The following MIPOL1 variants were observed in gnomAD, a reference collection of about 807,000 sequenced individuals.
The protein encoded by MIPOL1 is mirror-image polydactyly 1, also known as mirror-image polydactyly gene 1 protein.
MIPOL1 carries 57 observed loss-of-function variants against 60.9 expected under a neutral mutation model. That is an observed-to-expected ratio of 0.94 (90% CI 0.76 to 1.17). The LOEUF is 1.17. Among genes scored for constraint, MIPOL1 ranks in the 50% most tolerant of loss-of-function variants. MIPOL1 has a pLI of 0.00. For missense variants in MIPOL1, 551 were observed against 511.6 expected (o/e 1.08, Z -0.74); for synonymous variants, 179 against 168.8 (o/e 1.06, Z -0.47).
At chr14:37,443,390 T>A (rs567344186) in intron 11 of MIPOL1, among the ~76,000 whole-genome samples, 1 of 138,680 alleles carries the variant, frequency 7.2e-6, no homozygotes, top group Admixed American at 7.9e-5. Context: ...GCCCAAGAGG[T>A]TGAGACTACA....
At chr14:37,399,102 C>G (rs916881747) in intron 10 of MIPOL1, among the ~76,000 whole-genome samples, 2 of 152,160 alleles carry the variant, frequency 1.3e-5, no homozygotes, top group Non-Finnish European at 2.9e-5. Flanking sequence ...CATCTCTTAT[C>G]AAAATTTTCA....
At position 37,409,650 on chromosome 14, in the gene MIPOL1, G is replaced by A. The variant is rs374381705; in HGVS notation, c.937-13205G>A. Among the ~76,000 whole-genome samples, 2 of 152,210 alleles carry A rather than the reference G, an allele frequency of 1.3e-5. 1 individual carries two copies. Among genetic ancestry groups the A allele is most frequent in the South Asian group, 4.1e-4 (2 of 4,820 alleles). The stretch of plus-strand genomic sequence containing the variant: ...AAAATACAAAAATTAGCTGGGTGTG[G>A]TGGCACACGCCTGTAGTCCCAGCTA... On this transcript the variant is annotated intron_variant, in intron 10 of 12. Transcript: ENST00000684589.
chr14:37,452,032 G>A (rs1331190086), intron 11 of MIPOL1, among the ~76,000 whole-genome samples: 1 of 151,480 alleles, frequency 6.6e-6, no homozygotes, highest in Non-Finnish European at 1.5e-5. Flanking sequence ...AGCCAGGATG[G>A]TCTCGATCTC....
intron 11 of MIPOL1, among the ~76,000 whole-genome samples, chr14:37,446,263 G>A (rs1390851990): frequency 6.6e-6 from 1 of 152,258 alleles, no homozygotes; most frequent in South Asian, 2.1e-4. Flanking sequence ...AGTGGGCGAA[G>A]GATATGAACA....
chr14:37,200,875 TG>T (rs1566964756), intron 1 of MIPOL1, among the ~76,000 whole-genome samples: 2,835 of 118,376 alleles, frequency 0.024, 386 homozygotes, highest in African/African-American at 0.094. Context: ...TGTGTGTGTG[TG>T]TGTGTGTGTG....
chr14:37,477,981 T>A (rs1429288538), intron 11 of MIPOL1, among the ~76,000 whole-genome samples: 2 of 152,232 alleles, frequency 1.3e-5, no homozygotes, highest in Non-Finnish European at 2.9e-5. Context: ...GATGCCCCAT[T>A]GGGAACAATG....
intron 9 of MIPOL1, among the ~76,000 whole-genome samples, chr14:37,350,749 G>A (rs2091293931): frequency 6.6e-6 from 1 of 151,824 alleles, no homozygotes; most frequent in Non-Finnish European, 1.5e-5. Flanking sequence ...CCGGCTTCTG[G>A]TAGCCATCCT....
chr14:37,377,556 GT>G (rs1566475822), intron 10 of MIPOL1, among the ~76,000 whole-genome samples: 4 of 151,934 alleles, frequency 2.6e-5, no homozygotes, highest in Admixed American at 1.3e-4. Context: ...ATTCTTTATG[GT>G]TTTCTATTAT....
chr14:37,450,493 C>T (rs577945929), intron 11 of MIPOL1, among the ~76,000 whole-genome samples: 50 of 152,122 alleles, frequency 3.3e-4, no homozygotes, highest in African/African-American at 1.2e-3. Flanking sequence ...TCTTTGTAGA[C>T]GTTTTCTCAT....
At chr14:37,294,830 G>T (rs79816191) in intron 7 of MIPOL1, among the ~76,000 whole-genome samples, 1 of 151,892 alleles carries the variant, frequency 6.6e-6, no homozygotes, top group Admixed American at 6.6e-5. Flanking sequence ...ACATCTAATT[G>T]GTGTACCTGA....
At chr14:37,499,697 G>A (rs1305668348) in intron 11 of MIPOL1, among the ~76,000 whole-genome samples, 1 of 151,968 alleles carries the variant, frequency 6.6e-6, no homozygotes, top group Non-Finnish European at 1.5e-5. Flanking sequence ...GTATGCTTTG[G>A]TAGCATAATC....
At chr14:37,231,687 C>G (rs1321735369) in intron 1 of MIPOL1, among the ~76,000 whole-genome samples, 1 of 151,998 alleles carries the variant, frequency 6.6e-6, no homozygotes, top group Non-Finnish European at 1.5e-5. Context: ...TTATAAAAAG[C>G]ATTCTCTCTA....
chr14:37,510,553 A>G (rs1353915372), intron 12 of MIPOL1, among the ~76,000 whole-genome samples: 1 of 151,816 alleles, frequency 6.6e-6, no homozygotes, highest in Non-Finnish European at 1.5e-5. Flanking sequence ...GTATTTTTTT[A>G]ATATCTATTT....
At chr14:37,526,974 A>G (rs902333502) in intron 12 of MIPOL1, among the ~76,000 whole-genome samples, 1 of 152,140 alleles carries the variant, frequency 6.6e-6, no homozygotes, top group East Asian at 1.9e-4. Context: ...AAGGTAAAAA[A>G]TTATATTGTT....
intron 10 of MIPOL1, among the ~76,000 whole-genome samples, chr14:37,389,321 C>T (rs115891342): frequency 0.01 from 1,535 of 152,136 alleles, 27 homozygotes; most frequent in African/African-American, 0.033. Context: ...AAACACACTT[C>T]ATTTCTATTT....
intron 7 of MIPOL1, among the ~76,000 whole-genome samples, chr14:37,297,359 A>G (rs1207755326): frequency 4.6e-5 from 7 of 152,246 alleles, no homozygotes; most frequent in Non-Finnish European, 8.8e-5. Context: ...TACTGAATGA[A>G]CAAAAACTGG....
chr14:37,204,524 G>C (rs1965783894), intron 1 of MIPOL1, among the ~76,000 whole-genome samples: 1 of 152,110 alleles, frequency 6.6e-6, no homozygotes, highest in Non-Finnish European at 1.5e-5. Flanking sequence ...ATAAGTCCAT[G>C]AGATGTGATG....
intron 10 of MIPOL1, among the ~76,000 whole-genome samples, chr14:37,382,572 T>G (rs2092953562): frequency 6.6e-6 from 1 of 152,006 alleles, no homozygotes; most frequent in African/African-American, 2.4e-5. Flanking sequence ...GACATACGGT[T>G]TTTACCAGTT....
intron 11 of MIPOL1, among the ~76,000 whole-genome samples, chr14:37,426,594 T>TATATATATATATATAC (rs1447990257): frequency 1.8e-3 from 225 of 125,364 alleles, no homozygotes; most frequent in East Asian, 5.4e-3. Context: ...TATATATATA[T>TATATATATATATATAC]ACACACACAC....
Sources: gnomAD v4.1 joint callset for allele counts (sites outside exome capture counted in the v4.1 genomes callset) on GRCh38, gnomAD v4.1.1 for gene constraint, MANE v1.5 for transcripts, NCBI Gene and HGNC (gene_info 2026-07-23, HGNC 2026-07-21) for gene names.